The following SLC26A2 variants were observed in gnomAD, a reference collection of about 807,000 sequenced individuals.
The protein encoded by SLC26A2 is sulfate transporter.
Under a neutral mutation model 41.1 loss-of-function variants are expected in SLC26A2, and 36 were observed. The ratio of observed to expected loss-of-function variants is 0.88; its 90% confidence interval spans 0.67 to 1.16. SLC26A2 has a LOEUF of 1.16. Among genes scored for constraint, SLC26A2 ranks in the 50% most tolerant of loss-of-function variants. The pLI, the probability that SLC26A2 is intolerant of heterozygous loss-of-function variation, is 0.00. For synonymous variants in SLC26A2, 291 were observed against 311.6 expected (o/e 0.93, Z 0.70); for missense variants, 796 against 869.6 (o/e 0.92, Z 1.07).
chr5:149,981,291 G>A lies in SLC26A2; in HGVS notation c.1698G>A (p.Val566=), dbSNP rs953899172. ...LVEESEVFES[V]SAYKNLQIKP... ...AAGAGTCTGAGGTCTTTGAATCTGT[G>A]TCTGCTTACAAGAACCTTCAGATTA... Residue 566 remains valine (V), a synonymous_variant, in exon 3 of 3, where the codon GTG becomes GTA. Coordinates refer to ENST00000286298, the MANE Select transcript of SLC26A2 (RefSeq NM_000112.4). The A allele has an allele frequency of 9.9e-6, 16 of 1,614,132 alleles. No homozygotes were observed. The highest frequency in any genetic ancestry group is 1.4e-5 in the Non-Finnish European group (16 of 1,180,014).
rs749804704 is a variant in SLC26A2, at chr5:149,977,790, T to C, written c.138T>C (p.Asp46=). The C allele has an allele frequency of 6.2e-7, 1 of 1,614,070 alleles. No homozygotes were observed. The highest frequency in any genetic ancestry group is 8.5e-7 in the Non-Finnish European group (1 of 1,179,950). The change falls in exon 2 of 3, where the codon GAT becomes GAC. Residue 46 remains aspartate, a synonymous_variant. Transcript: ENST00000286298. ...STDFKQFETN[D]QCRPYHRILI... is the part of the protein sequence containing the mutation. ...ACTTCAAGCAATTTGAGACCAATGA[T>C]CAATGCAGACCTTATCATAGGATCC... is the stretch of plus-strand genomic sequence containing the variant.
intron 1 of SLC26A2, among the ~76,000 whole-genome samples, chr5:149,969,914 T>C (rs1265245335): frequency 1.3e-5 from 2 of 152,196 alleles, no homozygotes; most frequent in African/African-American, 2.4e-5. Flanking sequence ...TTATGGTACC[T>C]AGAATGCTGT....
In SLC26A2 at chr5:149,986,903, T is replaced by C. The variant is rs946706111; in HGVS notation, c.*5090T>C. On this transcript the variant is annotated 3_prime_UTR_variant, in exon 3 of 3. Coordinates refer to ENST00000286298, the MANE Select transcript of SLC26A2 (RefSeq NM_000112.4). ...TTTTCAACACAAATCAGTTGGAAAA[T>C]TATGGTTTGAGTCCTGTTGCTGCCA... The C allele has an allele frequency of 6.6e-6, 1 of 152,156 alleles. No individual in the cohort carries two copies. The highest frequency in any genetic ancestry group is 1.5e-5 in the Non-Finnish European group (1 of 68,024). 9.4% of individuals were successfully genotyped at this position (152,156 alleles called of 1,614,324 possible).
In SLC26A2 at chr5:149,983,118, T is replaced by C. The variant is rs898279748; in HGVS notation, c.*1305T>C. ...AAATATTTATGAGAAGCAAACCCTATGTGTAGGGCATCTGTTGGAGTGGGA... is the reference window on the plus strand; with the variant it reads ...AAATATTTATGAGAAGCAAACCCTACGTGTAGGGCATCTGTTGGAGTGGGA... On this transcript the variant is annotated 3_prime_UTR_variant, in exon 3 of 3. Transcript: ENST00000286298. 8 of 151,714 alleles carry C rather than the reference T, an allele frequency of 5.3e-5. No homozygotes were observed. The highest frequency in any genetic ancestry group is 1.7e-4 in the African/African-American group (7 of 41,504). 9.4% of individuals were successfully genotyped at this position (151,714 alleles called of 1,614,324 possible).
At position 149,977,274 on chromosome 5, in the gene SLC26A2, C is replaced by T. The variant is rs372235682; in HGVS notation, c.-25-354C>T. On this transcript the variant is annotated intron_variant, in intron 1 of 2. Coordinates refer to ENST00000286298, the MANE Select transcript of SLC26A2 (RefSeq NM_000112.4). The stretch of plus-strand genomic sequence containing the variant: ...GAGGTGAAAAACCTGGGAAGAAGAC[C>T]GCTGGTAGCATATGTATGGAAAGGA... 6.8e-4 allele frequency among the ~76,000 whole-genome samples: 103 copies of T among 152,144 alleles called. No homozygotes were observed. In the South Asian group the frequency reaches 0.02, roughly 29 times the overall value.
intron 1 of SLC26A2, among the ~76,000 whole-genome samples, chr5:149,974,187 A>G (rs905824859): frequency 1.3e-5 from 2 of 151,572 alleles, no homozygotes; most frequent in Non-Finnish European, 2.9e-5. Context: ...CAAAGATACC[A>G]CTCCATCATG....
At chr5:149,964,875 A>G (rs1269202139) in intron 1 of SLC26A2, among the ~76,000 whole-genome samples, 2 of 152,256 alleles carry the variant, frequency 1.3e-5, no homozygotes, top group African/African-American at 4.8e-5. Flanking sequence ...CTTTTCTGCA[A>G]GTCCACAGTT....
chr5:149,978,369 A>G lies in SLC26A2; in HGVS notation c.699+18A>G. On this transcript the variant is annotated intron_variant, in intron 2 of 2. Coordinates refer to ENST00000286298, the MANE Select transcript of SLC26A2 (RefSeq NM_000112.4). ...TTTATCAGGTAAGCAGCAATGAAACAATTGGTTATTTCTAGAAAAGTAATC... is the reference window on the plus strand; with the variant it reads ...TTTATCAGGTAAGCAGCAATGAAACGATTGGTTATTTCTAGAAAAGTAATC... 1 of 1,581,224 alleles carries G rather than the reference A, an allele frequency of 6.3e-7. No individual in the cohort carries two copies. The highest frequency in any genetic ancestry group is 1.3e-5 in the African/African-American group (1 of 74,478).
intron 1 of SLC26A2, among the ~76,000 whole-genome samples, chr5:149,963,533 T>C (rs1754750682): frequency 6.6e-6 from 1 of 151,890 alleles, no homozygotes; most frequent in South Asian, 2.1e-4. Flanking sequence ...TGCCTCCGCC[T>C]CCCAAAGTAC....
Position 149,978,263 on chromosome 5 carries a change from TAAATC to T in SLC26A2, c.613_617del (p.Asn205TyrfsTer7). ...ATGGTTTCAAATGGGAGCACATTATTAAATCATACATCAGACAGGATATGTGACAA... is the reference window on the plus strand; with the variant it reads ...ATGGTTTCAAATGGGAGCACATTATTATACATCAGACAGGATATGTGACAA... On this transcript the variant is annotated frameshift_variant, in exon 2 of 3. Coordinates refer to ENST00000286298, the MANE Select transcript of SLC26A2 (RefSeq NM_000112.4). LOFTEE classifies it high-confidence loss of function. The T allele has an allele frequency of 4.3e-6, 7 of 1,614,162 alleles. No homozygotes were observed. Among genetic ancestry groups the T allele is most frequent in the Non-Finnish European group, 5.9e-6 (7 of 1,179,988 alleles).
At chr5:149,963,086 T>TATA (rs1561809884) in intron 1 of SLC26A2, among the ~76,000 whole-genome samples, 40 of 28,086 alleles carry the variant, frequency 1.4e-3, no homozygotes, top group African/African-American at 3.2e-3. Flanking sequence ...GGTGCTATAT[T>TATA]TATTTATTTA....
intron 1 of SLC26A2, 35 bp from the exon 2 acceptor site, chr5:149,977,593 T>C: frequency 3.7e-6 from 4 of 1,089,836 alleles, no homozygotes; most frequent in Non-Finnish European, 5.7e-6. Context: ...TGAGAATTAC[T>C]TTATTGATGA....
chr5:149,978,172 G>A lies in SLC26A2; in HGVS notation c.520G>A (p.Glu174Lys). The change falls in exon 2 of 3, where the codon GAG (glutamate) becomes AAG (lysine). Residue 174 changes from glutamate to lysine, a missense_variant. By Grantham distance (56) the Glu-to-Lys change is moderately conservative (BLOSUM62 1). Coordinates refer to ENST00000286298, the MANE Select transcript of SLC26A2 (RefSeq NM_000112.4). ...IFGVLCLMIG[E>K]TVDRELQKAG... ...TGGAGTACTGTGCCTTATGATTGGT[G>A]AGACAGTTGACCGAGAACTACAGAA... The A allele has an allele frequency of 6.2e-7, 1 of 1,612,442 alleles. No individual in the cohort carries two copies. The highest frequency in any genetic ancestry group is 8.5e-7 in the Non-Finnish European group (1 of 1,178,582).
chr5:149,973,135 A>G (rs1172585081), intron 1 of SLC26A2, among the ~76,000 whole-genome samples: 3 of 152,102 alleles, frequency 2.0e-5, no homozygotes, highest in Non-Finnish European at 4.4e-5. Context: ...CCTGGGCAAC[A>G]TAGTGAGACC....
chr5:149,964,895 T>TA (rs771377082), intron 1 of SLC26A2, among the ~76,000 whole-genome samples: 13 of 152,200 alleles, frequency 8.5e-5, no homozygotes, highest in Non-Finnish European at 1.9e-4. Flanking sequence ...TATTTCAAAA[T>TA]AAAAATTTTT....
At position 149,980,565 on chromosome 5, in the gene SLC26A2, C is replaced by A. The variant is rs1755077974; in HGVS notation, c.972C>A (p.His324Gln). ...TGCCAACCAAAGAACTCAATGAACA[C>A]TTCAAATCCAAGCTTAAGGCACCGA... Reference protein sequence around the residue: ...VLLPTKELNEHFKSKLKAPIP... With the variant: ...VLLPTKELNEQFKSKLKAPIP... Residue 324 changes from histidine to glutamine, a missense_variant, in exon 3 of 3, where the codon CAC becomes CAA. Physicochemically the swap from His to Gln is conservative, Grantham distance 24. Coordinates refer to ENST00000286298, the MANE Select transcript of SLC26A2 (RefSeq NM_000112.4). 1 of 1,614,180 alleles carries A rather than the reference C, an allele frequency of 6.2e-7. No homozygotes were observed. The highest frequency in any genetic ancestry group is 1.1e-5 in the South Asian group (1 of 91,082).
intron 1 of SLC26A2, among the ~76,000 whole-genome samples, chr5:149,970,003 T>TA (rs147839921): frequency 0.042 from 6,463 of 152,298 alleles, 436 homozygotes; most frequent in African/African-American, 0.15. Flanking sequence ...ACTGAACCTC[T>TA]ACTGTATGTG....
chr5:149,975,791 T>G (rs1193634502), intron 1 of SLC26A2, among the ~76,000 whole-genome samples: 2 of 152,104 alleles, frequency 1.3e-5, no homozygotes, highest in Non-Finnish European at 2.9e-5. Context: ...TAACGTAAGG[T>G]TTATAGAACT....
rs1367037818 is a variant in SLC26A2, at chr5:149,980,303, GCTT to G, written c.714_716del (p.Phe239del). ...TATCCTTCCTTCCAGGTAGCGATGG[GCTT>G]CTTTCAAGTGGGTTTTGTTTCTGTC... On this transcript the variant is annotated inframe_deletion, in exon 3 of 3. Coordinates refer to ENST00000286298, the MANE Select transcript of SLC26A2 (RefSeq NM_000112.4). 1 of 1,613,682 alleles carries G rather than the reference GCTT, an allele frequency of 6.2e-7. No homozygotes were observed. Among genetic ancestry groups the G allele is most frequent in the Non-Finnish European group, 8.5e-7 (1 of 1,179,716 alleles).
Sources: allele counts gnomAD v4.1 joint callset (sites outside exome capture counted in the v4.1 genomes callset), GRCh38; gene constraint gnomAD v4.1.1; transcripts MANE v1.5; gene names NCBI Gene and HGNC (gene_info 2026-07-23, HGNC 2026-07-21).